SUMF1: variants seen among roughly 807,000 people sequenced by gnomAD.
The protein encoded by SUMF1 is sulfatase modifying factor 1.
SUMF1 carries 48 observed loss-of-function variants against 47.6 expected under a neutral mutation model. That is an observed-to-expected ratio of 1.01 (90% CI 0.80 to 1.28). The LOEUF is 1.28. Ranked by LOEUF, SUMF1 falls within the 50% of genes most tolerant of loss-of-function variation. The pLI is 0.00. For synonymous variants in SUMF1, 230 were observed against 192.1 expected, an observed-to-expected ratio of 1.20 and a Z score of -1.63; for missense variants, 571 against 485.4, an observed-to-expected ratio of 1.18 and a Z score of -1.66.
chr3:4,110,944 G>A (rs974478906), intron 8 of SUMF1, among the ~76,000 whole-genome samples: 2 of 151,152 alleles, frequency 1.3e-5, no homozygotes, highest in Non-Finnish European at 2.9e-5. Context: ...GTATACATAT[G>A]TAACTAACCT....
rs139829464 is a variant in SUMF1, at chr3:4,161,275, C to A, written c.1015-92530G>T. 2.3e-3 allele frequency among the ~76,000 whole-genome samples: 344 copies of A among 152,270 alleles called. 6 individuals are homozygous for A. The highest frequency in any genetic ancestry group is 8.1e-3 in the African/African-American group (337 of 41,540). Reference sequence around the variant, plus strand: ...CACTGAAACTACACTGGGTCAGACACAGCACTGGATCTTGCCCAGTAACTA... The same window carrying A: ...CACTGAAACTACACTGGGTCAGACAAAGCACTGGATCTTGCCCAGTAACTA... On this transcript the variant is annotated intron_variant and NMD_transcript_variant, in intron 8 of 12. Coordinates refer to the SUMF1 transcript ENST00000448413.
chr3:4,378,417 C>A (rs1308220861), intron 7 of SUMF1, among the ~76,000 whole-genome samples: 1 of 152,186 alleles, frequency 6.6e-6, no homozygotes, highest in Non-Finnish European at 1.5e-5. Flanking sequence ...AAGTAGGGGA[C>A]TGTCTGTGCT....
intron 8 of SUMF1, among the ~76,000 whole-genome samples, chr3:4,375,359 C>G (rs1462178810): frequency 6.6e-6 from 1 of 151,976 alleles, no homozygotes; most frequent in Non-Finnish European, 1.5e-5. Flanking sequence ...CCGAACTTGG[C>G]TGTATGTTTT....
chr3:4,093,242 C>CA (rs1692826004), intron 8 of SUMF1, among the ~76,000 whole-genome samples: 1 of 152,052 alleles, frequency 6.6e-6, no homozygotes, highest in Non-Finnish European at 1.5e-5. Context: ...AGCAAGTATT[C>CA]AAAAAGCTTT....
At chr3:4,066,106 A>G (rs770848008) in intron 9 of SUMF1, among the ~76,000 whole-genome samples, 3 of 152,030 alleles carry the variant, frequency 2.0e-5, no homozygotes, top group Non-Finnish European at 4.4e-5. Context: ...TGAAAAGTGG[A>G]TCTGGAAGGG....
chr3:4,208,575 A>G (rs1208951318), intron 8 of SUMF1, among the ~76,000 whole-genome samples: 1 of 152,016 alleles, frequency 6.6e-6, no homozygotes, highest in African/African-American at 2.4e-5. Context: ...ACTGCAATTA[A>G]TATGCTAAGG....
At chr3:4,093,515 T>G (rs1692834425) in intron 8 of SUMF1, among the ~76,000 whole-genome samples, 2 of 152,128 alleles carry the variant, frequency 1.3e-5, no homozygotes, top group South Asian at 4.2e-4. Flanking sequence ...AGATGGTGAG[T>G]ATTCTAAGTC....
intron 8 of SUMF1, among the ~76,000 whole-genome samples, chr3:4,170,070 G>A (rs180872015): frequency 1.9e-4 from 29 of 152,224 alleles, no homozygotes; most frequent in African/African-American, 6.0e-4. Flanking sequence ...GACCAAATCT[G>A]CCCCCCACCC....
Position 4,467,130 on chromosome 3 carries a change from G to A in SUMF1, c.116C>T (p.Thr39Ile). The change falls in exon 1 of 9, where the codon ACC (threonine) becomes ATC (isoleucine). Residue 39 changes from threonine (T) to isoleucine (I), a missense_variant. By Grantham distance (89) the Thr-to-Ile change is moderately conservative (BLOSUM62 -1). Coordinates refer to ENST00000272902, the MANE Select transcript of SUMF1 (RefSeq NM_182760.4). ...CGAAGSQEAG[T>I]GAGAGSLAGS... Reference sequence around the variant, plus strand: ...CGCAAGGGACCCCGCGCCCGCACCGGTCCCGGCCTCCTGGCTCCCTGCCGC... The same window carrying A: ...CGCAAGGGACCCCGCGCCCGCACCGATCCCGGCCTCCTGGCTCCCTGCCGC... The A allele has an allele frequency of 6.4e-7, 1 of 1,565,876 alleles. No homozygotes were observed. Among genetic ancestry groups the A allele is most frequent in the Non-Finnish European group, 8.6e-7 (1 of 1,156,960 alleles).
In SUMF1 at chr3:4,361,426, A is replaced by G. The variant is rs1461987626; in HGVS notation, c.*718T>C. The G allele has an allele frequency of 6.5e-6, 1 of 153,150 alleles. No homozygotes were observed. 9.5% of individuals were successfully genotyped at this position (153,150 alleles called of 1,614,324 possible). ...TTAATGTTAAAAGATAAAGCACAGT[A>G]GAGTCACCCCACAGACATTCCTATG... On this transcript the variant is annotated 3_prime_UTR_variant, in exon 9 of 9. Transcript: ENST00000272902.
At chr3:4,133,049 A>C (rs750191219) in intron 8 of SUMF1, among the ~76,000 whole-genome samples, 2 of 152,176 alleles carry the variant, frequency 1.3e-5, no homozygotes, top group Non-Finnish European at 2.9e-5. Context: ...GGGTATTGGA[A>C]TAACGTAGTC....
chr3:4,246,955 C>T (rs983364221), intron 8 of SUMF1, among the ~76,000 whole-genome samples: 2 of 152,086 alleles, frequency 1.3e-5, no homozygotes, highest in Non-Finnish European at 2.9e-5. Flanking sequence ...CAGTTTTTTT[C>T]AGGGCTCATG....
chr3:4,286,459 T>C (rs928185318), intron 8 of SUMF1, among the ~76,000 whole-genome samples: 38 of 152,230 alleles, frequency 2.5e-4, no homozygotes, highest in African/African-American at 8.9e-4. Flanking sequence ...GTAAAACTAA[T>C]TTTAGCTCTG....
chr3:4,420,166 G>C lies in SUMF1; in HGVS notation c.520-20C>G. 6.2e-7 allele frequency: 1 copy of C among 1,604,994 alleles called. No homozygotes were observed. Among genetic ancestry groups the C allele is most frequent in the Non-Finnish European group, 8.5e-7 (1 of 1,174,014 alleles). ...TGCAACCTCAAAGCAACCCAGAACA[G>C]GCTGATGTTAGCTACTAACATCAAC... On this transcript the variant is annotated intron_variant, in intron 3 of 8. Coordinates refer to ENST00000272902, the MANE Select transcript of SUMF1 (RefSeq NM_182760.4).
chr3:4,090,399 A>G (rs73806897), intron 8 of SUMF1, among the ~76,000 whole-genome samples: 2,086 of 152,166 alleles, frequency 0.014, 67 homozygotes, highest in African/African-American at 0.048. Flanking sequence ...AAATGCAGCT[A>G]TGTGTGAGTG....
intron 8 of SUMF1, among the ~76,000 whole-genome samples, chr3:4,308,128 G>C (rs1408651720): frequency 6.6e-6 from 1 of 152,176 alleles, no homozygotes; most frequent in African/African-American, 2.4e-5. Flanking sequence ...CTTGATAACT[G>C]AAAGAAGTCT....
chr3:4,269,915 C>T (rs544497673), intron 8 of SUMF1, among the ~76,000 whole-genome samples: 1 of 152,230 alleles, frequency 6.6e-6, no homozygotes, highest in East Asian at 1.9e-4. Flanking sequence ...GGACAGTCTA[C>T]AAGAGGGAAC....
chr3:4,176,558 C>A (rs923575035), intron 8 of SUMF1, among the ~76,000 whole-genome samples: 2 of 152,176 alleles, frequency 1.3e-5, no homozygotes, highest in Non-Finnish European at 2.9e-5. Context: ...TGGAAAGGAA[C>A]AACCAGTACC....
intron 8 of SUMF1, among the ~76,000 whole-genome samples, chr3:4,160,876 G>A (rs1694560546): frequency 6.6e-6 from 1 of 152,050 alleles, no homozygotes; most frequent in South Asian, 2.1e-4. Flanking sequence ...TGGCCTTGAT[G>A]CTTGTGGATG....
Sources: gnomAD v4.1 joint callset for allele counts (sites outside exome capture counted in the v4.1 genomes callset) on GRCh38, gnomAD v4.1.1 for gene constraint, MANE v1.5 for transcripts, NCBI Gene and HGNC (gene_info 2026-07-23, HGNC 2026-07-21) for gene names.